Variants in GRID2 observed in about 807,000 individuals in gnomAD.
The protein encoded by GRID2 is glutamate ionotropic receptor delta type subunit 2, also known as glutamate receptor ionotropic, delta-2.
Under a neutral mutation model 114.8 loss-of-function variants are expected in GRID2, and 33 were observed. The observed-to-expected ratio is 0.29, with a 90% CI of 0.22 to 0.38. The LOEUF is 0.38. Among genes scored for constraint, GRID2 ranks in the 10% least tolerant of loss-of-function variants. The pLI is 1.00. For synonymous variants in GRID2, 505 were observed against 449.9 expected (o/e 1.12, Z -1.55); for missense variants, 1,184 against 1,257.7 (o/e 0.94, Z 0.89).
intron 2 of GRID2, among the ~76,000 whole-genome samples, chr4:92,909,694 G>A (rs1748225222): frequency 6.6e-6 from 1 of 152,056 alleles, no homozygotes; most frequent in African/African-American, 2.4e-5. Context: ...TCCTTGGGAT[G>A]TCTATAGTGA....
chr4:92,506,127 G>A (rs949380850), intron 1 of GRID2, among the ~76,000 whole-genome samples: 4 of 151,968 alleles, frequency 2.6e-5, no homozygotes, highest in East Asian at 1.9e-4. Context: ...GCAATTTAGT[G>A]TAGTAGTAAC....
intron 3 of GRID2, among the ~76,000 whole-genome samples, chr4:93,087,097 C>T (rs1227184302): frequency 2.0e-5 from 3 of 151,792 alleles, no homozygotes; most frequent in Non-Finnish European, 2.9e-5. Context: ...TGCAGTGTCA[C>T]AATCTCGGCT....
At chr4:93,105,651 C>G (rs1732150108) in intron 3 of GRID2, among the ~76,000 whole-genome samples, 1 of 152,114 alleles carries the variant, frequency 6.6e-6, no homozygotes, top group African/African-American at 2.4e-5. Flanking sequence ...TTTCCACCTT[C>G]TAGAAACAAC....
chr4:93,489,422 T>C (rs2870709), intron 11 of GRID2, among the ~76,000 whole-genome samples: 126,594 of 151,888 alleles, frequency 0.83, 53,249 homozygotes, highest in African/African-American at 0.94. Context: ...ATACATAGAG[T>C]CTTGTAAACC....
chr4:92,527,448 C>T (rs1725098709), intron 1 of GRID2, among the ~76,000 whole-genome samples: 2 of 151,966 alleles, frequency 1.3e-5, no homozygotes, highest in Non-Finnish European at 2.9e-5. Flanking sequence ...AGGGTTTGGA[C>T]ATACTCAAAA....
At chr4:92,879,242 C>T in intron 2 of GRID2, among the ~76,000 whole-genome samples, 1 of 152,102 alleles carries the variant, frequency 6.6e-6, no homozygotes, top group East Asian at 1.9e-4. Flanking sequence ...GGTATTGATA[C>T]TTTGCCTCTC....
chr4:92,450,628 G>C (rs1461339143), intron 1 of GRID2, among the ~76,000 whole-genome samples: 1 of 151,646 alleles, frequency 6.6e-6, no homozygotes, highest in African/African-American at 2.4e-5. Context: ...CATAGTTTTA[G>C]CACAATGAGA....
Position 93,541,085 on chromosome 4 carries a change from C to T in GRID2, c.2193+25674C>T, listed in dbSNP as rs1369464. Reference sequence around the variant, plus strand: ...CCCGACAGAATTTGTTTACCTAACTCGAGGAAATGTCGTTGAGAGACACTA... The same window carrying T: ...CCCGACAGAATTTGTTTACCTAACTTGAGGAAATGTCGTTGAGAGACACTA... On this transcript the variant is annotated intron_variant, in intron 13 of 15. Coordinates refer to ENST00000282020, the MANE Select transcript of GRID2 (RefSeq NM_001510.4). Among the ~76,000 whole-genome samples, 768 of 152,010 alleles carry T rather than the reference C, an allele frequency of 5.1e-3. 6 individuals carry two copies. Among genetic ancestry groups the T allele is most frequent in the African/African-American group, 0.016 (665 of 41,440 alleles).
intron 14 of GRID2, among the ~76,000 whole-genome samples, chr4:93,654,143 C>G (rs989339028): frequency 1.3e-5 from 2 of 152,106 alleles, no homozygotes; most frequent in African/African-American, 4.8e-5. Context: ...TTTTCTCTCT[C>G]TCATCATATT....
intron 14 of GRID2, among the ~76,000 whole-genome samples, chr4:93,683,313 T>C (rs552016013): frequency 6.6e-6 from 1 of 152,184 alleles, no homozygotes; most frequent in African/African-American, 2.4e-5. Flanking sequence ...TAATTCAGGC[T>C]TAGTATCTTT....
intron 8 of GRID2, among the ~76,000 whole-genome samples, chr4:93,316,900 T>C (rs976377088): frequency 9.9e-5 from 15 of 152,122 alleles, no homozygotes; most frequent in Non-Finnish European, 1.9e-4. Flanking sequence ...TCAATTTATT[T>C]TTTCCTCCCA....
At chr4:93,383,070 T>A (rs1340714705) in intron 8 of GRID2, among the ~76,000 whole-genome samples, 1 of 152,068 alleles carries the variant, frequency 6.6e-6, no homozygotes, top group Non-Finnish European at 1.5e-5. Context: ...GTGGTTGCTT[T>A]TAAATGTCTT....
At chr4:92,763,093 C>G (rs1200397968) in intron 2 of GRID2, among the ~76,000 whole-genome samples, 1 of 152,128 alleles carries the variant, frequency 6.6e-6, no homozygotes, top group African/African-American at 2.4e-5. Flanking sequence ...TTTTTTTACC[C>G]TCTCAGCTAG....
At chr4:93,725,588 A>G (rs553579555) in intron 14 of GRID2, among the ~76,000 whole-genome samples, 22 of 151,146 alleles carry the variant, frequency 1.5e-4, no homozygotes, top group African/African-American at 4.0e-4. Context: ...GAACTAGTTG[A>G]CAGTCCCACC....
rs576746368 is a variant in GRID2 at position 93,785,741 on chromosome 4, G to A, written c.221+16291G>A. ...CTCTCACTGCCCCAGGAGAAACTTC[G>A]GGAATGGGAAAAGACCTAAGAGAGG... On this transcript the variant is annotated intron_variant, in intron 1 of 1. Coordinates refer to the GRID2 transcript ENST00000637838. 7.2e-5 allele frequency among the ~76,000 whole-genome samples: 11 copies of A among 152,224 alleles called. No individual in the cohort carries two copies. In the South Asian group the frequency reaches 8.3e-4, roughly 11 times the overall value.
At chr4:93,003,095 G>T (rs1721172002) in intron 2 of GRID2, among the ~76,000 whole-genome samples, 1 of 151,800 alleles carries the variant, frequency 6.6e-6, no homozygotes, top group African/African-American at 2.4e-5. Flanking sequence ...AATCACATTG[G>T]CAGTGTCTTT....
At chr4:93,630,685 A>G (rs1210394599) in intron 14 of GRID2, among the ~76,000 whole-genome samples, 1 of 152,210 alleles carries the variant, frequency 6.6e-6, no homozygotes, top group Non-Finnish European at 1.5e-5. Flanking sequence ...ACACATATAT[A>G]AACAGTTGTT....
intron 8 of GRID2, among the ~76,000 whole-genome samples, chr4:93,239,318 A>C (rs1747202407): frequency 6.7e-6 from 1 of 149,570 alleles, no homozygotes; most frequent in Non-Finnish European, 1.5e-5. Flanking sequence ...TATATATATG[A>C]TTTGGATTTG....
At chr4:93,749,717 C>A (rs1369190305) in intron 14 of GRID2, among the ~76,000 whole-genome samples, 2 of 152,180 alleles carry the variant, frequency 1.3e-5, no homozygotes, top group African/African-American at 2.4e-5. Flanking sequence ...GCCAAAGTGG[C>A]GTCATCCCCC....
Sources: allele counts gnomAD v4.1 joint callset (sites outside exome capture counted in the v4.1 genomes callset), GRCh38; gene constraint gnomAD v4.1.1; transcripts MANE v1.5; gene names NCBI Gene and HGNC (gene_info 2026-07-23, HGNC 2026-07-21).